The following FNDC3B variants were observed in gnomAD, a reference collection of about 807,000 sequenced individuals.
FNDC3B encodes the protein fibronectin type III domain-containing protein 3B.
In FNDC3B, 12 loss-of-function variants were observed where a neutral mutation model predicts 151.5. The ratio of observed to expected loss-of-function variants is 0.08; its 90% CI spans 0.05 to 0.13. The LOEUF (loss-of-function observed/expected upper bound fraction) is 0.13. FNDC3B is among the 10% of genes least tolerant of loss of function. FNDC3B has a pLI of 1.00. For synonymous variants in FNDC3B, 528 were observed against 549.0 expected (o/e 0.96, Z 0.54); for missense variants, 1,214 against 1,505.3 (o/e 0.81, Z 3.20).
chr3:172,077,242 T>G (rs2108494204), intron 1 of FNDC3B, among the ~76,000 whole-genome samples: 1 of 152,310 alleles, frequency 6.6e-6, no homozygotes. Context: ...GAAACTGCAG[T>G]TTATTTACCT....
chr3:172,284,863 A>G (rs571363015), intron 6 of FNDC3B, among the ~76,000 whole-genome samples: 2 of 151,600 alleles, frequency 1.3e-5, no homozygotes, highest in South Asian at 2.1e-4. Flanking sequence ...CTTAGTGATC[A>G]TATCTCGCTA....
At chr3:172,320,981 C>T (rs1398895837) in intron 11 of FNDC3B, among the ~76,000 whole-genome samples, 2 of 152,212 alleles carry the variant, frequency 1.3e-5, no homozygotes, top group African/African-American at 4.8e-5. Flanking sequence ...TATTTTTAAA[C>T]ATACTCTAAA....
At chr3:172,339,346 A>T (rs1435920158) in intron 16 of FNDC3B, among the ~76,000 whole-genome samples, 1 of 152,090 alleles carries the variant, frequency 6.6e-6, no homozygotes, top group African/African-American at 2.4e-5. Flanking sequence ...GTGGATCACG[A>T]GGTCAGGAGT....
chr3:172,379,661 G>A lies in FNDC3B; in HGVS notation c.3175+1225G>A, dbSNP rs761476073. On this transcript the variant is annotated intron_variant, in intron 24 of 25. Coordinates refer to ENST00000415807, the MANE Select transcript of FNDC3B (RefSeq NM_022763.4). ...GTAAATGCCCTGGCCCTTTGGTGCA[G>A]CTTTGCCTTTCAGTTATAACACAAA... is the stretch of plus-strand genomic sequence containing the variant. Among the ~76,000 whole-genome samples the A allele has an allele frequency of 1.2e-4, 18 of 152,224 alleles. 1 individual carries two copies. The highest frequency in any genetic ancestry group is 2.5e-4 in the Non-Finnish European group (17 of 68,048).
At chr3:172,261,217 A>G (rs1408962224) in intron 6 of FNDC3B, among the ~76,000 whole-genome samples, 2 of 152,180 alleles carry the variant, frequency 1.3e-5, no homozygotes, top group Non-Finnish European at 2.9e-5. Flanking sequence ...GTGGCGAGGC[A>G]TCATGGAGGC....
At chr3:172,062,348 G>A (rs78706192) in intron 1 of FNDC3B, among the ~76,000 whole-genome samples, 13,334 of 145,608 alleles carry the variant, frequency 0.092, 737 homozygotes, top group East Asian at 0.2. Flanking sequence ...GTCTCTCTCC[G>A]TCACCCAGGC....
intron 1 of FNDC3B, among the ~76,000 whole-genome samples, chr3:172,076,481 G>C (rs992521955): frequency 9.8e-5 from 15 of 152,290 alleles, no homozygotes; most frequent in African/African-American, 3.6e-4. Flanking sequence ...CCATGTTATT[G>C]TAGACTGTCA....
intron 3 of FNDC3B, among the ~76,000 whole-genome samples, chr3:172,178,613 AG>A (rs1723728405): frequency 6.6e-6 from 1 of 152,080 alleles, no homozygotes; most frequent in Non-Finnish European, 1.5e-5. Context: ...AGATGGGAGG[AG>A]GGAAAAGCGA....
intron 1 of FNDC3B, among the ~76,000 whole-genome samples, chr3:172,061,075 A>C (rs1056114466): frequency 2.6e-5 from 4 of 152,188 alleles, no homozygotes; most frequent in Admixed American, 1.3e-4. Flanking sequence ...AGCCCTGGGA[A>C]GTCACTGGAA....
intron 25 of FNDC3B, among the ~76,000 whole-genome samples, chr3:172,395,525 A>C (rs2108398501): frequency 6.6e-6 from 1 of 152,362 alleles, no homozygotes; most frequent in South Asian, 2.1e-4. Flanking sequence ...TCTTAATAGA[A>C]GAAATCAGGT....
chr3:172,315,944 C>G (rs1322786552), intron 11 of FNDC3B, among the ~76,000 whole-genome samples: 1 of 151,928 alleles, frequency 6.6e-6, no homozygotes, highest in African/African-American at 2.4e-5. Flanking sequence ...TTTTTGGGCA[C>G]CCTTCCAAGC....
At chr3:172,350,793 T>C (rs1733816544) in intron 21 of FNDC3B, among the ~76,000 whole-genome samples, 1 of 152,158 alleles carries the variant, frequency 6.6e-6, no homozygotes. Flanking sequence ...GCAGAGGTTG[T>C]TGCAGTGAGC....
chr3:172,267,842 A>C (rs1239204521), intron 6 of FNDC3B, among the ~76,000 whole-genome samples: 2 of 152,214 alleles, frequency 1.3e-5, no homozygotes, highest in Admixed American at 6.5e-5. Context: ...GCTGGTACTC[A>C]TTGGATATTA....
intron 23 of FNDC3B, among the ~76,000 whole-genome samples, chr3:172,375,135 A>G (rs971895028): frequency 7.9e-5 from 12 of 151,954 alleles, no homozygotes; most frequent in Non-Finnish European, 7.4e-5. Flanking sequence ...TAAAGTGAGG[A>G]AGGTGTCAGC....
At chr3:172,185,759 A>G (rs1250069611) in intron 3 of FNDC3B, among the ~76,000 whole-genome samples, 5 of 152,238 alleles carry the variant, frequency 3.3e-5, no homozygotes, top group African/African-American at 1.2e-4. Flanking sequence ...GATTTAGTAG[A>G]TTACAAAGAA....
intron 3 of FNDC3B, among the ~76,000 whole-genome samples, chr3:172,197,761 T>C (rs1436440695): frequency 6.6e-6 from 1 of 152,260 alleles, no homozygotes; most frequent in African/African-American, 2.4e-5. Context: ...TATCCATCTT[T>C]GGCAGGAACA....
At chr3:172,070,022 G>A (rs930542707) in intron 1 of FNDC3B, among the ~76,000 whole-genome samples, 11 of 152,102 alleles carry the variant, frequency 7.2e-5, no homozygotes, top group African/African-American at 2.7e-4. Context: ...GCAAATAAAG[G>A]GAGAAGTCAA....
rs1736490955 is a variant in FNDC3B, at chr3:172,399,888, ATCT to A, written c.*2418_*2420del. On this transcript the variant is annotated 3_prime_UTR_variant, in exon 26 of 26. Transcript: ENST00000415807. Reference sequence around the variant, plus strand: ...AGGCCAAAATTTATATGAATATTTGATCTTCTTGAGATTTTCATACTATCATTT... The same window carrying A: ...AGGCCAAAATTTATATGAATATTTGATCTTGAGATTTTCATACTATCATTT... The A allele has an allele frequency of 6.6e-6, 1 of 152,508 alleles. No homozygotes were observed. The highest frequency in any genetic ancestry group is 2.4e-5 in the African/African-American group (1 of 41,394). The allele number at this position is 152,508 out of a possible 1,614,324, so 9.4% of individuals were successfully genotyped here.
chr3:172,116,573 GT>G (rs773001347), intron 2 of FNDC3B, among the ~76,000 whole-genome samples: 26 of 148,276 alleles, frequency 1.8e-4, no homozygotes, highest in Admixed American at 2.0e-4. Context: ...CAACATCTTT[GT>G]TTTTTTTTTG....
Sources: allele counts gnomAD v4.1 joint callset (sites outside exome capture counted in the v4.1 genomes callset), GRCh38; gene constraint gnomAD v4.1.1; transcripts MANE v1.5; gene names NCBI Gene and HGNC (gene_info 2026-07-23, HGNC 2026-07-21).